Variants in DNAH9 observed in about 807,000 individuals in gnomAD.
The protein encoded by DNAH9 is DNAH9 variant protein.
DNAH9 carries 345 observed loss-of-function variants against 471.6 expected under a neutral mutation model. The observed-to-expected ratio is 0.73, with a 90% CI of 0.67 to 0.80. The LOEUF (loss-of-function observed/expected upper bound fraction) is 0.80. Among genes scored for constraint, DNAH9 ranks in the 30% least tolerant of loss-of-function variants. The pLI is 0.00. For synonymous variants in DNAH9, 2,093 were observed against 2,123.6 expected (o/e 0.99, Z 0.40); for missense variants, 5,407 against 5,609.2 (o/e 0.96, Z 1.15).
chr17:11,700,571 C>T (rs2074573602), intron 23 of DNAH9, among the ~76,000 whole-genome samples: 1 of 152,132 alleles, frequency 6.6e-6, no homozygotes, highest in South Asian at 2.1e-4. Flanking sequence ...CATCTAGTGC[C>T]AAATAACAGC....
At chr17:11,825,635 C>G (rs1246362000) in intron 48 of DNAH9, among the ~76,000 whole-genome samples, 1 of 152,144 alleles carries the variant, frequency 6.6e-6, no homozygotes, top group Non-Finnish European at 1.5e-5. Context: ...AGTGGAGAAT[C>G]CTCCCAAGTC....
intron 14 of DNAH9, among the ~76,000 whole-genome samples, chr17:11,662,747 C>CTTTTTT (rs71142226): frequency 2.2e-5 from 1 of 45,436 alleles, no homozygotes; most frequent in Non-Finnish European, 3.8e-5. Flanking sequence ...TTGAGGCTCG[C>CTTTTTT]TTTTTTTTTT....
intron 35 of DNAH9, among the ~76,000 whole-genome samples, chr17:11,758,400 A>G (rs1237738195): frequency 2.6e-5 from 4 of 152,176 alleles, no homozygotes; most frequent in Non-Finnish European, 5.9e-5. Flanking sequence ...CATTTGATGC[A>G]TCATTCTGTG....
intron 68 of DNAH9, among the ~76,000 whole-genome samples, chr17:11,964,923 C>T (rs528416797): frequency 1.3e-5 from 2 of 152,224 alleles, no homozygotes; most frequent in South Asian, 4.1e-4. Flanking sequence ...GTCTTTATCT[C>T]ACCTGAGTTG....
intron 42 of DNAH9, among the ~76,000 whole-genome samples, chr17:11,794,163 G>T (rs942267544): frequency 2.7e-5 from 4 of 147,700 alleles, no homozygotes; most frequent in African/African-American, 1.0e-4. Flanking sequence ...TCCTGCCTCA[G>T]CCTCCCGAGT....
intron 26 of DNAH9, among the ~76,000 whole-genome samples, chr17:11,710,147 ACTT>A (rs918752841): frequency 6.6e-5 from 10 of 152,100 alleles, no homozygotes; most frequent in African/African-American, 2.4e-4. Flanking sequence ...TATATATAAA[ACTT>A]CATAGATTGC....
chr17:11,698,611 C>G (rs1301783663), intron 22 of DNAH9, among the ~76,000 whole-genome samples: 1 of 151,968 alleles, frequency 6.6e-6, no homozygotes, highest in Non-Finnish European at 1.5e-5. Flanking sequence ...GTCCTCTCAT[C>G]TCATAAGCTG....
At chr17:11,810,219 G>T (rs1160216599) in intron 44 of DNAH9, 27 bp from the exon 45 acceptor site, 1 of 1,591,652 alleles carries the variant, frequency 6.3e-7, no homozygotes, top group Non-Finnish European at 8.5e-7. Context: ...TCTTTTCAGA[G>T]ATTTCTGATA....
rs532885024 is a variant in DNAH9, at chr17:11,949,671, G to C, written c.12843+7186G>C. The stretch of plus-strand genomic sequence containing the variant: ...TAATTTTGTATTTTCAGTAGAGAGG[G>C]GGTTTCTCCATGTTGGTCAGGCTGG... On this transcript the variant is annotated intron_variant, in intron 67 of 68. Coordinates refer to ENST00000262442, the MANE Select transcript of DNAH9 (RefSeq NM_001372.4). Among the ~76,000 whole-genome samples, 12 of 152,184 alleles carry C rather than the reference G, an allele frequency of 7.9e-5. No individual in the cohort carries two copies. The East Asian group carries it at 2.3e-3, about 29-fold the overall frequency.
At chr17:11,909,458 C>T (rs1218859040) in intron 61 of DNAH9, among the ~76,000 whole-genome samples, 2 of 152,146 alleles carry the variant, frequency 1.3e-5, no homozygotes, top group Non-Finnish European at 2.9e-5. Flanking sequence ...TGAACTGTCT[C>T]CCCTGCCTTG....
intron 43 of DNAH9, 138 bp downstream of exon 43, chr17:11,797,931 C>CCGGGCGCGG: frequency 6.0e-6 from 5 of 839,764 alleles, no homozygotes; most frequent in Non-Finnish European, 9.2e-6. Flanking sequence ...AAGATGGCTG[C>CCGGGCGCGG]TGGCAGAGCA....
At chr17:11,809,774 T>C (rs1176943639) in intron 44 of DNAH9, among the ~76,000 whole-genome samples, 1 of 136,990 alleles carries the variant, frequency 7.3e-6, no homozygotes, top group Non-Finnish European at 1.7e-5. Context: ...GTCTTCCATA[T>C]ACGTAAGTAA....
Position 11,623,090 on chromosome 17 carries a change from C to A in DNAH9, c.1350+3309C>A, listed in dbSNP as rs757329446. Among the ~76,000 whole-genome samples the A allele has an allele frequency of 6.6e-6, 1 of 151,164 alleles. No individual in the cohort carries two copies. The highest frequency in any genetic ancestry group is 1.5e-5 in the Non-Finnish European group (1 of 67,880). Reference sequence around the variant, plus strand: ...CTGGGTTCAAGCGATTCTCCTGCCTCAGCCTCCCAAGTAGCTGGGATTACA... The same window carrying A: ...CTGGGTTCAAGCGATTCTCCTGCCTAAGCCTCCCAAGTAGCTGGGATTACA... On this transcript the variant is annotated intron_variant, in intron 6 of 68. Transcript: ENST00000262442. The surrounding 1 kb of genome is among the most constrained non-coding windows in gnomAD (Gnocchi z 4.1).
At chr17:11,909,278 T>G (rs1973710051) in intron 61 of DNAH9, among the ~76,000 whole-genome samples, 1 of 152,130 alleles carries the variant, frequency 6.6e-6, no homozygotes, top group South Asian at 2.1e-4. Context: ...ATATGCCTTT[T>G]GTAAGCAAAA....
intron 45 of DNAH9, among the ~76,000 whole-genome samples, chr17:11,816,490 A>G (rs948205254): frequency 2.0e-5 from 3 of 152,240 alleles, no homozygotes; most frequent in African/African-American, 7.2e-5. Flanking sequence ...GTTTTCCAGC[A>G]GTGAAGACAA....
At chr17:11,854,665 G>A (rs114336717) in intron 50 of DNAH9, among the ~76,000 whole-genome samples, 3 of 152,148 alleles carry the variant, frequency 2.0e-5, no homozygotes, top group Non-Finnish European at 4.4e-5. Flanking sequence ...GTGCGAAAAG[G>A]TTTTCTCCTT....
Position 11,871,618 on chromosome 17 carries a change from A to C in DNAH9, c.10074A>C (p.Glu3358Asp). ...GGTAGGTTGGAGGACTCGCTTCTGA[A>C]AACGTGAGGTGGGCAGATGCCGTGC... ...ANRLVGGLAS[E>D]NVRWADAVQN... The change falls in exon 52 of 69, where the codon GAA becomes GAC. Residue 3358 changes from glutamate to aspartate, a missense_variant. This residue lies in a region of DNAH9 where 4,636 missense variants were observed against 4,900.3 expected (regional missense o/e 0.95). Coordinates refer to ENST00000262442, the MANE Select transcript of DNAH9 (RefSeq NM_001372.4). 1 of 1,613,978 alleles carries C rather than the reference A, an allele frequency of 6.2e-7. No homozygotes were observed. The highest frequency in any genetic ancestry group is 8.5e-7 in the Non-Finnish European group (1 of 1,179,832).
chr17:11,609,934 G>C (rs771093362), intron 2 of DNAH9, among the ~76,000 whole-genome samples: 1 of 152,180 alleles, frequency 6.6e-6, no homozygotes, highest in East Asian at 1.9e-4. Context: ...AGTTAGAAAT[G>C]GTTCAGTATA....
At chr17:11,601,808 C>T (rs2072392658) in intron 1 of DNAH9, among the ~76,000 whole-genome samples, 1 of 152,130 alleles carries the variant, frequency 6.6e-6, no homozygotes, top group Non-Finnish European at 1.5e-5. Flanking sequence ...TCCACCTCCC[C>T]ATGCAGCATC....
Sources: gnomAD v4.1 joint callset for allele counts (sites outside exome capture counted in the v4.1 genomes callset) on GRCh38, gnomAD v4.1.1 for gene constraint, gnomAD v4.1.1 regional missense constraint, Gnocchi (gnomAD v3.1) non-coding constraint, MANE v1.5 for transcripts, NCBI Gene and HGNC (gene_info 2026-07-23, HGNC 2026-07-21) for gene names.